The following PTPRR variants were observed in gnomAD, a reference collection of about 807,000 sequenced individuals.
The protein encoded by PTPRR is protein tyrosine phosphatase receptor type R.
PTPRR carries 38 observed loss-of-function variants against 77.2 expected under a neutral mutation model. That is an observed-to-expected ratio of 0.49 (90% CI 0.38 to 0.65). The LOEUF (loss-of-function observed/expected upper bound fraction) is 0.65, where lower values mean the gene tolerates loss of function less well. Ranked by LOEUF, PTPRR falls within the 30% of genes least tolerant of loss-of-function variation. The pLI is 0.00. For missense variants in PTPRR, 744 were observed against 799.2 expected (o/e 0.93, Z 0.83); for synonymous variants, 299 against 283.1 (o/e 1.06, Z -0.57).
At position 70,701,255 on chromosome 12, in the gene PTPRR, A is replaced by T; in HGVS notation, c.1076T>A (p.Ile359Lys). Residue 359 changes from isoleucine to lysine, a missense_variant, in exon 7 of 14, where the codon ATA becomes AAA. By Grantham distance (102) the Ile-to-Lys change is moderately radical. This residue lies in a region of PTPRR where 570 missense variants were observed against 573.2 expected (regional missense o/e 0.99). Coordinates refer to ENST00000283228, the MANE Select transcript of PTPRR (RefSeq NM_002849.4). Reference sequence around the variant, plus strand: ...TGCTACCTTCTCCCGTGGTGTTGGTATAGACACAAAGGGTTCAATGTTCCC... The same window carrying T: ...TGCTACCTTCTCCCGTGGTGTTGGTTTAGACACAAAGGGTTCAATGTTCCC... ...SLGNIEPFVS[I>K]PTPREKVAME... is the part of the protein sequence containing the mutation. 1.9e-6 allele frequency: 3 copies of T among 1,613,982 alleles called. No individual in the cohort carries two copies. The highest frequency in any genetic ancestry group is 2.5e-6 in the Non-Finnish European group (3 of 1,179,920).
chr12:70,699,926 C>T (rs530331439), intron 7 of PTPRR, among the ~76,000 whole-genome samples: 1 of 152,258 alleles, frequency 6.6e-6, no homozygotes, highest in South Asian at 2.1e-4. Context: ...TGTACTCCTT[C>T]TGGCCTTCAA....
intron 6 of PTPRR, among the ~76,000 whole-genome samples, chr12:70,725,818 T>C (rs1889412729): frequency 6.6e-6 from 1 of 152,204 alleles, no homozygotes; most frequent in African/African-American, 2.4e-5. Flanking sequence ...GAGTTAAATA[T>C]CTGGCTCTCT....
rs1233574373 is a variant in PTPRR at position 70,733,492 on chromosome 12, GA to G, written c.1007+12325del. ...TGGCAAAAAAAAAAAGAAAAAAAAA[GA>G]AAAAAAAAGATTTCACCTTTCTTTT... On this transcript the variant is annotated intron_variant, in intron 6 of 13. Coordinates refer to ENST00000283228, the MANE Select transcript of PTPRR (RefSeq NM_002849.4). 1.3e-4 allele frequency among the ~76,000 whole-genome samples: 10 copies of G among 76,610 alleles called. No homozygotes were observed. The South Asian group carries it at 3.5e-3, about 27-fold the overall frequency. The allele number at this position is 76,610 out of a possible 152,430, so 50.3% of individuals were successfully genotyped here.
At chr12:70,714,644 G>C (rs1156411485) in intron 6 of PTPRR, among the ~76,000 whole-genome samples, 1 of 152,136 alleles carries the variant, frequency 6.6e-6, no homozygotes, top group South Asian at 2.1e-4. Context: ...GTCTTCTACT[G>C]TATATTTGTT....
intron 2 of PTPRR, among the ~76,000 whole-genome samples, chr12:70,877,848 T>C (rs11178464): frequency 2.0e-5 from 3 of 151,996 alleles, no homozygotes; most frequent in East Asian, 3.9e-4. Context: ...GACTTCAAAC[T>C]ATACTACAAG....
chr12:70,913,589 C>A (rs1893732724), intron 1 of PTPRR, among the ~76,000 whole-genome samples: 1 of 152,044 alleles, frequency 6.6e-6, no homozygotes, highest in African/African-American at 2.4e-5. Flanking sequence ...GAAAATCATG[C>A]AAGAATGTCT....
intron 13 of PTPRR, among the ~76,000 whole-genome samples, chr12:70,652,023 G>A (rs752883265): frequency 3.9e-5 from 6 of 152,092 alleles, no homozygotes; most frequent in African/African-American, 1.2e-4. Context: ...CATTCTGTAT[G>A]TATTAAATAC....
At chr12:70,788,716 A>G in intron 2 of PTPRR, 1 of 849,862 alleles carries the variant, frequency 1.2e-6, no homozygotes, top group Non-Finnish European at 1.9e-6. Flanking sequence ...ATTTTTCTAC[A>G]TTTACATGAA....
chr12:70,721,332 G>C (rs555559210), intron 6 of PTPRR, among the ~76,000 whole-genome samples: 1 of 152,100 alleles, frequency 6.6e-6, no homozygotes, highest in African/African-American at 2.4e-5. Flanking sequence ...TATCTATCCT[G>C]GCAGAGCATT....
chr12:70,850,979 T>C (rs1176815676), intron 2 of PTPRR, among the ~76,000 whole-genome samples: 1 of 152,220 alleles, frequency 6.6e-6, no homozygotes. Context: ...CAGTCTCATA[T>C]ACTATGATTT....
chr12:70,786,408 A>G (rs1236263943), intron 2 of PTPRR, among the ~76,000 whole-genome samples: 1 of 151,980 alleles, frequency 6.6e-6, no homozygotes, highest in Non-Finnish European at 1.5e-5. Context: ...TATAAATACT[A>G]CTCTTTTTTA....
In PTPRR at chr12:70,638,452, C is replaced by G. The variant is rs1885846609; in HGVS notation, c.*732G>C. The stretch of plus-strand genomic sequence containing the variant: ...TAAAATGACTCACGATGTGGAAATA[C>G]AGTGGATAGAGTTCTGGAGCAGAAG... On this transcript the variant is annotated 3_prime_UTR_variant, in exon 14 of 14. Transcript: ENST00000283228. The G allele has an allele frequency of 6.6e-6, 1 of 152,526 alleles. No individual in the cohort carries two copies. 9.4% of individuals were successfully genotyped at this position (152,526 alleles called of 1,614,324 possible). A position where few individuals can be genotyped will look rare whatever the true frequency, so the allele number is the denominator to read the frequency against.
At chr12:70,786,677 AT>A (rs1354843913) in intron 2 of PTPRR, among the ~76,000 whole-genome samples, 1 of 152,124 alleles carries the variant, frequency 6.6e-6, no homozygotes, top group East Asian at 1.9e-4. Context: ...ATTTCCTTTC[AT>A]TTTTATTCCC....
rs184720367 is a variant in PTPRR at position 70,742,953 on chromosome 12, T to G, written c.1007+2865A>C. 1.6e-3 allele frequency among the ~76,000 whole-genome samples: 238 copies of G among 152,240 alleles called. 3 individuals are homozygous for G. Among genetic ancestry groups the G allele is most frequent in the African/African-American group, 4.9e-3 (204 of 41,548 alleles). On this transcript the variant is annotated intron_variant, in intron 6 of 13. Coordinates refer to ENST00000283228, the MANE Select transcript of PTPRR (RefSeq NM_002849.4). Reference sequence around the variant, plus strand: ...GAGTTCCATTTCTGAATGTTGTAAGTTGGTAGTGTTTAAGAAAGGTCAGAG... The same window carrying G: ...GAGTTCCATTTCTGAATGTTGTAAGGTGGTAGTGTTTAAGAAAGGTCAGAG...
intron 1 of PTPRR, among the ~76,000 whole-genome samples, chr12:70,913,714 T>C (rs1471490174): frequency 6.6e-6 from 1 of 152,180 alleles, no homozygotes; most frequent in African/African-American, 2.4e-5. Context: ...CCCATCTCCA[T>C]TTCCTTGTTG....
intron 2 of PTPRR, among the ~76,000 whole-genome samples, chr12:70,819,168 A>C (rs901965348): frequency 6.6e-6 from 1 of 152,200 alleles, no homozygotes; most frequent in Non-Finnish European, 1.5e-5. Context: ...TAAAAATACA[A>C]AAATTAGCCA....
chr12:70,673,031 C>G, intron 10 of PTPRR: 2 of 450,900 alleles, frequency 4.4e-6, no homozygotes, highest in Non-Finnish European at 2.8e-6. Context: ...CGGGCCAAAG[C>G]AAAAAAAAAA....
At chr12:70,864,764 T>C (rs1205712448) in intron 2 of PTPRR, among the ~76,000 whole-genome samples, 1 of 152,116 alleles carries the variant, frequency 6.6e-6, no homozygotes, top group African/African-American at 2.4e-5. Context: ...GTTTCCCTCA[T>C]ACTGTTCCCA....
intron 6 of PTPRR, among the ~76,000 whole-genome samples, chr12:70,717,875 T>C (rs936698161): frequency 2.0e-5 from 3 of 152,184 alleles, no homozygotes; most frequent in African/African-American, 4.8e-5. Context: ...ATGTTTTGCA[T>C]TGATTCCAAA....
Sources: gnomAD v4.1 joint callset for allele counts (sites outside exome capture counted in the v4.1 genomes callset) on GRCh38, gnomAD v4.1.1 for gene constraint, gnomAD v4.1.1 regional missense constraint, MANE v1.5 for transcripts, NCBI Gene and HGNC (gene_info 2026-07-23, HGNC 2026-07-21) for gene names.